The following THBS4 variants were observed in gnomAD, a reference collection of about 807,000 sequenced individuals.
THBS4 encodes thrombospondin-4.
A neutral mutation model predicts 115.7 loss-of-function variants in THBS4; 90 were observed. That is an observed-to-expected ratio of 0.78 (90% CI 0.66 to 0.93). THBS4 has a LOEUF of 0.93. Among genes scored for constraint, THBS4 ranks in the 40% least tolerant of loss-of-function variants. The probability of loss-of-function intolerance (pLI) is 0.00; values close to 1 mark genes in which losing one functional copy is unlikely to be tolerated. For missense variants in THBS4, 1,087 were observed against 1,232.7 expected (o/e 0.88, Z 1.77); for synonymous variants, 460 against 479.3 (o/e 0.96, Z 0.53).
rs529181136 is a variant in THBS4 at position 80,055,277 on chromosome 5, G to C, written c.293-508G>C. On this transcript the variant is annotated intron_variant, in intron 2 of 21. Transcript: ENST00000350881. ...GCAGAGGTTGCAGTGAGCTGAGATC[G>C]TCCCACTGCACTGCAGCCTGGGGGA... 4.2e-4 allele frequency among the ~76,000 whole-genome samples: 64 copies of C among 151,410 alleles called. No individual in the cohort carries two copies. In the Middle Eastern group the frequency reaches 0.01, roughly 24 times the overall value.
chr5:80,005,762 ATTTTT>A (rs567389394), intron 2 of THBS4, among the ~76,000 whole-genome samples: 2 of 119,862 alleles, frequency 1.7e-5, no homozygotes, highest in Non-Finnish European at 3.4e-5. Context: ...TGTTTGTGGC[ATTTTT>A]TTTTTTTTTT....
At chr5:80,076,727 G>A (rs1240534984) in intron 15 of THBS4, 128 bp from the exon 16 acceptor site, 1 of 935,706 alleles carries the variant, frequency 1.1e-6, no homozygotes, top group East Asian at 2.8e-5. Context: ...AATGACCCCA[G>A]TGGGTTTGAT....
intron 2 of THBS4, among the ~76,000 whole-genome samples, chr5:80,054,549 G>A (rs1285353899): frequency 3.9e-5 from 6 of 152,232 alleles, no homozygotes; most frequent in Middle Eastern, 3.4e-3. Context: ...TTGAACTCCT[G>A]ACCTCATGAT....
chr5:80,026,769 C>T (rs886457073), intron 2 of THBS4, among the ~76,000 whole-genome samples: 10 of 152,204 alleles, frequency 6.6e-5, no homozygotes, highest in Non-Finnish European at 1.0e-4. Flanking sequence ...CTATAGTTGC[C>T]AGTCCCTGGT....
intron 1 of THBS4, 22 bp from the exon 2 acceptor site, chr5:80,040,055 C>T (rs763835245): frequency 1.3e-5 from 21 of 1,609,714 alleles, no homozygotes; most frequent in Non-Finnish European, 1.8e-5. Flanking sequence ...CACTTATACC[C>T]CTTCTTCTCC....
At chr5:80,022,459 A>G (rs188110810) in intron 2 of THBS4, among the ~76,000 whole-genome samples, 2 of 152,348 alleles carry the variant, frequency 1.3e-5, no homozygotes, top group Admixed American at 1.3e-4. Flanking sequence ...AAGAGATTCA[A>G]ATAGTGGTTA....
chr5:80,042,230 G>C (rs1180015182), intron 2 of THBS4, among the ~76,000 whole-genome samples: 1 of 152,156 alleles, frequency 6.6e-6, no homozygotes, highest in Non-Finnish European at 1.5e-5. Flanking sequence ...TCTCTGCCTT[G>C]AATCAAACAG....
upstream of THBS4, among the ~76,000 whole-genome samples, chr5:80,034,545 C>T (rs189554010): frequency 2.0e-5 from 3 of 152,116 alleles, no homozygotes; most frequent in Non-Finnish European, 4.4e-5. Context: ...GAATTACTTG[C>T]GTTCCTCCGA....
chr5:80,002,530 A>C (rs1269915499), intron 2 of THBS4, among the ~76,000 whole-genome samples: 1 of 151,826 alleles, frequency 6.6e-6, no homozygotes, highest in Non-Finnish European at 1.5e-5. Flanking sequence ...CCCATGCTCT[A>C]TCCTAATGTG....
chr5:80,068,492 T>G (rs541676113), intron 10 of THBS4: 3 of 246,910 alleles, frequency 1.2e-5, no homozygotes, highest in African/African-American at 6.8e-5. Flanking sequence ...CCCATCTACC[T>G]GCCTGTATAA....
chr5:80,054,734 G>A (rs957143035), intron 2 of THBS4, among the ~76,000 whole-genome samples: 14 of 152,060 alleles, frequency 9.2e-5, no homozygotes, highest in African/African-American at 3.1e-4. Flanking sequence ...CAAAGTGCTC[G>A]GATTACAGGC....
upstream of THBS4, among the ~76,000 whole-genome samples, chr5:80,031,245 C>G (rs1016916985): frequency 6.6e-6 from 1 of 151,968 alleles, no homozygotes; most frequent in Non-Finnish European, 1.5e-5. Flanking sequence ...GGTGAGGGTT[C>G]CTGTACATGG....
chr5:80,083,166 T>A lies in THBS4; in HGVS notation c.*25T>A, dbSNP rs771028503. The A allele has an allele frequency of 3.3e-5, 53 of 1,591,572 alleles. No homozygotes were observed. The highest frequency in any genetic ancestry group is 4.5e-5 in the Non-Finnish European group (52 of 1,159,552). On this transcript the variant is annotated 3_prime_UTR_variant, in exon 22 of 22. Coordinates refer to ENST00000350881, the MANE Select transcript of THBS4 (RefSeq NM_003248.6). The stretch of plus-strand genomic sequence containing the variant: ...AACCAAGGAAGCAATCTGTAACTGC[T>A]TTTCGGAACACTAAAACCATATATA...
intron 8 of THBS4, among the ~76,000 whole-genome samples, chr5:80,063,105 G>A (rs1048278326): frequency 7.9e-5 from 12 of 152,296 alleles, no homozygotes; most frequent in African/African-American, 2.2e-4. Flanking sequence ...TTGAGGAATC[G>A]CCACACTGTC....
chr5:80,035,679 CTGAG>C lies in THBS4; in HGVS notation c.88+61_88+64del. ...CGCCGGGCACCGGGTGCCCCATCTG[CTGAG>C]TGAGTGGAGGGACTTGCTCGGCCCT... On this transcript the variant is annotated intron_variant, in intron 1 of 21. Transcript: ENST00000350881. This position sits in a 1 kb window ranked among gnomAD's most constrained non-coding sequence, Gnocchi z 4.6. 8.2e-7 allele frequency: 1 copy of C among 1,214,056 alleles called. No individual in the cohort carries two copies. 75.2% of individuals were successfully genotyped at this position (1,214,056 alleles called of 1,614,324 possible).
intron 7 of THBS4, among the ~76,000 whole-genome samples, 184 bp downstream of exon 7, chr5:80,060,089 G>T (rs1398302033): frequency 6.6e-6 from 1 of 152,216 alleles, no homozygotes; most frequent in Non-Finnish European, 1.5e-5. Flanking sequence ...CAAGGTTATG[G>T]CTGCGTTTGT....
chr5:80,056,481 C>G (rs1481154185), intron 3 of THBS4, among the ~76,000 whole-genome samples: 3 of 152,216 alleles, frequency 2.0e-5, no homozygotes, highest in Admixed American at 6.5e-5. Context: ...AGCATTTTCA[C>G]AGGTCTTGTC....
intron 2 of THBS4, among the ~76,000 whole-genome samples, chr5:80,011,395 G>T (rs1375312991): frequency 6.6e-6 from 1 of 152,104 alleles, no homozygotes; most frequent in African/African-American, 2.4e-5. Flanking sequence ...AGTTGCCACG[G>T]AGGCTGGGAA....
At chr5:80,027,172 C>G (rs1016423682) in intron 2 of THBS4, among the ~76,000 whole-genome samples, 3 of 152,186 alleles carry the variant, frequency 2.0e-5, no homozygotes, top group African/African-American at 7.2e-5. Context: ...ACTTTTCCAC[C>G]TTCCTGGCAA....
Sources: allele counts gnomAD v4.1 joint callset (sites outside exome capture counted in the v4.1 genomes callset), GRCh38; gene constraint gnomAD v4.1.1; non-coding constraint Gnocchi (gnomAD v3.1); transcripts MANE v1.5; gene names NCBI Gene and HGNC (gene_info 2026-07-23, HGNC 2026-07-21).